LRCH1: variants seen among roughly 807,000 people sequenced by gnomAD.
LRCH1 encodes leucine-rich repeat and calponin homology domain-containing protein 1.
LRCH1 carries 23 observed loss-of-function variants against 94.9 expected under a neutral mutation model. The observed-to-expected ratio is 0.24, with a 90% CI of 0.17 to 0.34. The LOEUF is 0.34. Ranked by LOEUF, LRCH1 falls within the 10% of genes least tolerant of loss-of-function variation. The pLI is 1.00. For synonymous variants in LRCH1, 364 were observed against 354.9 expected (o/e 1.03, Z -0.29); for missense variants, 790 against 945.9 (o/e 0.84, Z 2.16).
intron 19 of LRCH1, among the ~76,000 whole-genome samples, chr13:46,739,407 G>C (rs1172439372): frequency 6.6e-6 from 1 of 152,158 alleles, no homozygotes; most frequent in Non-Finnish European, 1.5e-5. Context: ...TAAATACATG[G>C]TGAAATTTTG....
intron 4 of LRCH1, among the ~76,000 whole-genome samples, chr13:46,683,581 A>G (rs925533947): frequency 2.0e-5 from 3 of 152,230 alleles, no homozygotes; most frequent in African/African-American, 7.2e-5. Flanking sequence ...TTAAGCTCTC[A>G]TGTTAATCAT....
rs1182867528 is a variant in LRCH1, at chr13:46,701,152, A to G, written c.1345A>G (p.Ile449Val). Reference protein sequence around the residue: ...ISSSKDQDMDIAMIEQLREAV... With the variant: ...ISSSKDQDMDVAMIEQLREAV... ...TTCATCCAAAGATCAGGACATGGAT[A>G]TAGCAATGATCGAGCAGCTGAGAGA... Residue 449 changes from isoleucine to valine, a missense_variant, in exon 11 of 20, where the codon ATA (isoleucine) becomes GTA (valine). Coordinates refer to ENST00000389797, the MANE Select transcript of LRCH1 (RefSeq NM_001164211.2). 2.4e-5 allele frequency: 39 copies of G among 1,613,842 alleles called. No homozygotes were observed. The highest frequency in any genetic ancestry group is 3.2e-5 in the Non-Finnish European group (38 of 1,179,716).
At chr13:46,565,328 T>C (rs1286129039) in intron 1 of LRCH1, among the ~76,000 whole-genome samples, 1 of 152,150 alleles carries the variant, frequency 6.6e-6, no homozygotes, top group African/African-American at 2.4e-5. Flanking sequence ...TTATATCCTT[T>C]CGGCAGTCTT....
At chr13:46,723,649 A>G (rs1190725313) in intron 17 of LRCH1, among the ~76,000 whole-genome samples, 3 of 152,164 alleles carry the variant, frequency 2.0e-5, no homozygotes, top group East Asian at 3.9e-4. Context: ...AAAATACAAA[A>G]ATTAGCTGGG....
At position 46,743,689 on chromosome 13, in the gene LRCH1, G is replaced by A; in HGVS notation, c.*1841G>A. 3 of 985,088 alleles carry A rather than the reference G, an allele frequency of 3.0e-6. No individual in the cohort carries two copies. The highest frequency in any genetic ancestry group is 3.6e-6 in the Non-Finnish European group (3 of 829,884). 61.0% of individuals were successfully genotyped at this position (985,088 alleles called of 1,614,324 possible). ...AGTGCATTGAGGCTTCTCTTTAATG[G>A]TCACCACTGTGGTGGTTTTTCCCTT... On this transcript the variant is annotated 3_prime_UTR_variant, in exon 20 of 20. Transcript: ENST00000389797.
Position 46,623,617 on chromosome 13 carries a change from A to G in LRCH1, c.308-26584A>G, listed in dbSNP as rs552481906. ...TCACCTTTCCTTAGGAATTGTGCCAATCTGATCATTTGTTCCACCACTGCT... is the reference window on the plus strand; with the variant it reads ...TCACCTTTCCTTAGGAATTGTGCCAGTCTGATCATTTGTTCCACCACTGCT... On this transcript the variant is annotated intron_variant, in intron 1 of 19. Coordinates refer to ENST00000389797, the MANE Select transcript of LRCH1 (RefSeq NM_001164211.2). Among the ~76,000 whole-genome samples the G allele has an allele frequency of 4.0e-5, 6 of 149,712 alleles. No individual in the cohort carries two copies. The South Asian group carries it at 1.3e-3, about 32-fold the overall frequency.
intron 19 of LRCH1, among the ~76,000 whole-genome samples, chr13:46,737,658 C>T (rs770546836): frequency 5.9e-5 from 9 of 152,222 alleles, no homozygotes; most frequent in African/African-American, 1.7e-4. Context: ...ATATTTTCTG[C>T]GTCACCTAAG....
At chr13:46,577,155 G>A (rs749315844) in intron 1 of LRCH1, among the ~76,000 whole-genome samples, 13 of 152,018 alleles carry the variant, frequency 8.6e-5, no homozygotes, top group South Asian at 2.1e-4. Flanking sequence ...GTGCAACCTC[G>A]GTGCCATCTC....
intron 4 of LRCH1, among the ~76,000 whole-genome samples, chr13:46,682,616 T>G (rs1379569121): frequency 6.6e-6 from 1 of 152,184 alleles, no homozygotes; most frequent in Non-Finnish European, 1.5e-5. Context: ...GGAGCACTGG[T>G]TGGGAACTCC....
intron 1 of LRCH1, among the ~76,000 whole-genome samples, chr13:46,558,662 G>A (rs9526195): frequency 0.052 from 7,913 of 150,878 alleles, 231 homozygotes; most frequent in East Asian, 0.11. Flanking sequence ...GAACCTGGGA[G>A]GTGAAGGTTG....
intron 1 of LRCH1, among the ~76,000 whole-genome samples, chr13:46,555,395 T>C (rs1287413452): frequency 1.3e-5 from 2 of 152,262 alleles, no homozygotes; most frequent in African/African-American, 4.8e-5. Context: ...ATAGTTGTTC[T>C]ACTTCAGTTA....
intron 1 of LRCH1, among the ~76,000 whole-genome samples, chr13:46,556,076 C>G (rs2050061994): frequency 6.6e-6 from 1 of 152,138 alleles, no homozygotes; most frequent in African/African-American, 2.4e-5. Flanking sequence ...AAGAATGTCT[C>G]TTAAAATTAG....
chr13:46,649,424 A>T (rs994940023), intron 1 of LRCH1, among the ~76,000 whole-genome samples: 28 of 152,332 alleles, frequency 1.8e-4, no homozygotes, highest in African/African-American at 6.5e-4. Flanking sequence ...TAATCTTATC[A>T]TCAGGATGGT....
rs1387026393 is a variant in LRCH1, at chr13:46,742,612, T to A, written c.*764T>A. On this transcript the variant is annotated 3_prime_UTR_variant, in exon 20 of 20. Coordinates refer to ENST00000389797, the MANE Select transcript of LRCH1 (RefSeq NM_001164211.2). The stretch of plus-strand genomic sequence containing the variant: ...ACCAGTTTTTTACTGCTTAATTCCT[T>A]GTTAGGTCTTCTCTTGAGGCTCTTA... 2 of 985,408 alleles carry A rather than the reference T, an allele frequency of 2.0e-6. No individual in the cohort carries two copies. Among genetic ancestry groups the A allele is most frequent in the Non-Finnish European group, 2.4e-6 (2 of 829,926 alleles). 61.0% of individuals were successfully genotyped at this position (985,408 alleles called of 1,614,324 possible).
intron 1 of LRCH1, among the ~76,000 whole-genome samples, chr13:46,573,693 T>C (rs1365961902): frequency 6.6e-6 from 1 of 150,874 alleles, no homozygotes; most frequent in Non-Finnish European, 1.5e-5. Flanking sequence ...GTTGAACTCA[T>C]GGACATAGAC....
intron 2 of LRCH1, among the ~76,000 whole-genome samples, chr13:46,652,371 T>C (rs842412): frequency 0.68 from 102,379 of 151,178 alleles, 34,882 homozygotes; most frequent in Middle Eastern, 0.75. Context: ...CCACTGCGTC[T>C]GGCCAAGTGT....
chr13:46,703,225 T>G (rs932973068), intron 11 of LRCH1, among the ~76,000 whole-genome samples: 1 of 152,234 alleles, frequency 6.6e-6, no homozygotes, highest in Non-Finnish European at 1.5e-5. Context: ...CCCGTGTACA[T>G]GTATTCATTA....
intron 13 of LRCH1, among the ~76,000 whole-genome samples, chr13:46,706,825 A>G (rs955847241): frequency 2.0e-5 from 3 of 152,214 alleles, no homozygotes; most frequent in Non-Finnish European, 2.9e-5. Context: ...TAGATTTACT[A>G]GTAACATTTT....
At chr13:46,697,228 G>T (rs531641508) in intron 9 of LRCH1, among the ~76,000 whole-genome samples, 1 of 152,234 alleles carries the variant, frequency 6.6e-6, no homozygotes, top group Admixed American at 6.5e-5. Flanking sequence ...AACTCACTGG[G>T]GAAATAGAGG....
Sources: gnomAD v4.1 joint callset for allele counts (sites outside exome capture counted in the v4.1 genomes callset) on GRCh38, gnomAD v4.1.1 for gene constraint, MANE v1.5 for transcripts, NCBI Gene and HGNC (gene_info 2026-07-23, HGNC 2026-07-21) for gene names.